PRKG1: variants seen among roughly 807,000 people sequenced by gnomAD.
PRKG1 encodes the protein protein kinase cGMP-dependent 1.
PRKG1 carries 35 observed loss-of-function variants against 88.1 expected under a neutral mutation model. The observed-to-expected ratio is 0.40, with a 90% CI of 0.30 to 0.53. The LOEUF (loss-of-function observed/expected upper bound fraction) is 0.53. Among genes scored for constraint, PRKG1 ranks in the 20% least tolerant of loss-of-function variants. The pLI, the probability that PRKG1 is intolerant of heterozygous loss-of-function variation, is 0.59. For missense variants in PRKG1, 540 were observed against 839.8 expected, an observed-to-expected ratio of 0.64 and a Z score of 4.41; for synonymous variants, 303 against 292.5, an observed-to-expected ratio of 1.04 and a Z score of -0.37.
At chr10:51,349,486 G>A (rs1036844112) in intron 2 of PRKG1, among the ~76,000 whole-genome samples, 2 of 146,986 alleles carry the variant, frequency 1.4e-5, no homozygotes, top group Non-Finnish European at 3.0e-5. Context: ...GTGTGTGTAT[G>A]TGTGTGTGTA....
At chr10:51,533,441 G>A (rs1842065141) in intron 3 of PRKG1, among the ~76,000 whole-genome samples, 1 of 152,076 alleles carries the variant, frequency 6.6e-6, no homozygotes, top group African/African-American at 2.4e-5. Flanking sequence ...TGACCCTCAA[G>A]CATTGATTGT....
At chr10:51,530,179 T>C (rs1841983819) in intron 3 of PRKG1, among the ~76,000 whole-genome samples, 2 of 152,200 alleles carry the variant, frequency 1.3e-5, no homozygotes, top group Admixed American at 6.5e-5. Context: ...TTTCAAGTAG[T>C]TTATCAAATG....
chr10:52,132,285 A>C (rs1837287855), intron 7 of PRKG1, among the ~76,000 whole-genome samples: 1 of 152,160 alleles, frequency 6.6e-6, no homozygotes, highest in South Asian at 2.1e-4. Context: ...CAGAAGTGGA[A>C]GATTATTTTA....
chr10:51,929,933 G>C (rs1010850103), intron 5 of PRKG1, among the ~76,000 whole-genome samples: 2 of 152,148 alleles, frequency 1.3e-5, no homozygotes, highest in Non-Finnish European at 2.9e-5. Context: ...GTGTAATAAA[G>C]TTGGCTTCCA....
chr10:52,188,212 GTGTATATATATACATA>G (rs1564508815), intron 9 of PRKG1, among the ~76,000 whole-genome samples: 1 of 58,496 alleles, frequency 1.7e-5, no homozygotes, highest in African/African-American at 6.0e-5. Context: ...ATATATATAT[GTGTATATATATACATA>G]TGTATATATA....
chr10:51,915,266 G>A (rs186921263), intron 5 of PRKG1, among the ~76,000 whole-genome samples: 206 of 152,330 alleles, frequency 1.4e-3, no homozygotes, highest in Non-Finnish European at 2.5e-3. Flanking sequence ...CTCTTCAGGA[G>A]AGACACTGAT....
chr10:51,514,301 T>C (rs1841511522), intron 3 of PRKG1, among the ~76,000 whole-genome samples: 1 of 152,194 alleles, frequency 6.6e-6, no homozygotes, highest in Admixed American at 6.5e-5. Context: ...TATTTCTTTG[T>C]CTGGGTCGTG....
intron 3 of PRKG1, among the ~76,000 whole-genome samples, chr10:51,676,041 A>G (rs569674469): frequency 3.9e-5 from 6 of 152,142 alleles, no homozygotes; most frequent in African/African-American, 9.6e-5. Context: ...AGGCCAAAAC[A>G]GGAGAATCAC....
chr10:51,876,307 G>A (rs190897653), intron 4 of PRKG1, among the ~76,000 whole-genome samples: 18 of 152,300 alleles, frequency 1.2e-4, no homozygotes, highest in African/African-American at 4.1e-4. Context: ...ATAGTGGAAA[G>A]GGGGAAGTAG....
At chr10:52,245,363 C>G (rs563858215) in intron 9 of PRKG1, among the ~76,000 whole-genome samples, 2 of 152,038 alleles carry the variant, frequency 1.3e-5, no homozygotes, top group East Asian at 3.9e-4. Context: ...ATACTTATTA[C>G]TTAAGTGTAT....
chr10:52,095,166 A>C (rs1847144383), intron 7 of PRKG1, among the ~76,000 whole-genome samples: 1 of 152,094 alleles, frequency 6.6e-6, no homozygotes, highest in African/African-American at 2.4e-5. Context: ...CTGATTCTTA[A>C]ACATACCAGG....
chr10:52,137,649 T>C lies in PRKG1; in HGVS notation c.1001+3744T>C, dbSNP rs374891334. ...TAAAATATATCTAGGTTACTTACAA[T>C]ACCTAATAAAATCTAAATGCTATGT... On this transcript the variant is annotated intron_variant, in intron 8 of 17. Transcript: ENST00000373980. 9.2e-5 allele frequency among the ~76,000 whole-genome samples: 14 copies of C among 152,088 alleles called. No homozygotes were observed. The East Asian group carries it at 9.6e-4, about 10-fold the overall frequency.
At chr10:51,068,032 A>G (rs1319912808) in intron 1 of PRKG1, among the ~76,000 whole-genome samples, 2 of 152,084 alleles carry the variant, frequency 1.3e-5, no homozygotes. Context: ...TTAGTTACAA[A>G]TACATAGTGA....
chr10:51,378,223 G>A (rs1344820372), intron 2 of PRKG1, among the ~76,000 whole-genome samples: 1 of 152,216 alleles, frequency 6.6e-6, no homozygotes, highest in Admixed American at 6.5e-5. Context: ...GACTGAAAAT[G>A]GTTACTTTGA....
chr10:51,651,776 G>T (rs1297304999), intron 3 of PRKG1, among the ~76,000 whole-genome samples: 1 of 151,894 alleles, frequency 6.6e-6, no homozygotes, highest in Non-Finnish European at 1.5e-5. Flanking sequence ...TAAAGACAGG[G>T]TTTCACCATG....
chr10:51,017,789 T>TTTTA (rs1011246480), intron 1 of PRKG1, among the ~76,000 whole-genome samples: 15 of 151,720 alleles, frequency 9.9e-5, no homozygotes, highest in South Asian at 2.1e-4. Flanking sequence ...TAATATTAAT[T>TTTTA]TTTATTTATT....
At chr10:51,493,113 C>T (rs1840751195) in intron 3 of PRKG1, among the ~76,000 whole-genome samples, 1 of 152,100 alleles carries the variant, frequency 6.6e-6, no homozygotes, top group African/African-American at 2.4e-5. Context: ...AGAGCTTGAG[C>T]ATTAACTATA....
intron 3 of PRKG1, among the ~76,000 whole-genome samples, chr10:51,508,959 A>G (rs1841311188): frequency 6.6e-6 from 1 of 152,216 alleles, no homozygotes; most frequent in Non-Finnish European, 1.5e-5. Context: ...CACAAAATGT[A>G]ATCTAAAGGG....
intron 5 of PRKG1, among the ~76,000 whole-genome samples, chr10:51,965,094 T>C (rs1843535062): frequency 6.6e-6 from 1 of 152,214 alleles, no homozygotes; most frequent in Non-Finnish European, 1.5e-5. Context: ...TTTTTAAATT[T>C]ATATTTTAAG....
Sources: gnomAD v4.1 joint callset for allele counts (sites outside exome capture counted in the v4.1 genomes callset) on GRCh38, gnomAD v4.1.1 for gene constraint, MANE v1.5 for transcripts, NCBI Gene and HGNC (gene_info 2026-07-23, HGNC 2026-07-21) for gene names.